Variants in NCOR2 observed in about 807,000 individuals in gnomAD.
NCOR2 encodes the protein nuclear receptor corepressor 2, also known as CTG repeat protein 26.
Under a neutral mutation model 262.9 loss-of-function variants are expected in NCOR2, and 81 were observed. That is an observed-to-expected ratio of 0.31 (90% CI 0.26 to 0.37). The LOEUF (loss-of-function observed/expected upper bound fraction) is 0.37. NCOR2 is among the 10% of genes least tolerant of loss of function. The probability of loss-of-function intolerance (pLI) is 1.00; values close to 1 mark genes in which losing one functional copy is unlikely to be tolerated. For synonymous variants in NCOR2, 1,659 were observed against 1,559.3 expected (o/e 1.06, Z -1.51); for missense variants, 3,385 against 3,621.4 (o/e 0.93, Z 1.68).
At chr12:124,402,911 C>G (rs1485654446) in intron 13 of NCOR2, among the ~76,000 whole-genome samples, 2 of 152,160 alleles carry the variant, frequency 1.3e-5, no homozygotes, top group African/African-American at 4.8e-5. Flanking sequence ...TTCGCCTTGA[C>G]AATGGGGGTA....
chr12:124,515,380 G>GAA (rs11285264), intron 1 of NCOR2, among the ~76,000 whole-genome samples: 2 of 145,260 alleles, frequency 1.4e-5, no homozygotes, highest in Non-Finnish European at 3.0e-5. Context: ...TTCAAAAAAG[G>GAA]AAAAAAAAAA....
chr12:124,360,742 T>C (rs1366179468), intron 22 of NCOR2, among the ~76,000 whole-genome samples: 1 of 149,440 alleles, frequency 6.7e-6, no homozygotes, highest in Non-Finnish European at 1.5e-5. Context: ...TTCCCTGTGC[T>C]GTTCCCTCTG....
intron 22 of NCOR2, among the ~76,000 whole-genome samples, chr12:124,361,152 G>C (rs11057591): frequency 0.67 from 100,136 of 149,690 alleles, 36,205 homozygotes; most frequent in Non-Finnish European, 0.8. Flanking sequence ...AGAGAAGGGG[G>C]ATGTCACACC....
At chr12:124,557,890 G>C (rs1332182626) in intron 1 of NCOR2, among the ~76,000 whole-genome samples, 4 of 151,874 alleles carry the variant, frequency 2.6e-5, no homozygotes, top group Non-Finnish European at 4.4e-5. Flanking sequence ...CCCAGGAAAG[G>C]CCCCCTGACT....
At chr12:124,491,323 A>T (rs2048072346) in intron 1 of NCOR2, among the ~76,000 whole-genome samples, 1 of 152,266 alleles carries the variant, frequency 6.6e-6, no homozygotes, top group African/African-American at 2.4e-5. Flanking sequence ...ACCCTGTGCG[A>T]AGGACTCTGC....
chr12:124,373,479 CGGG>C (rs2039695627), intron 19 of NCOR2, among the ~76,000 whole-genome samples: 19 of 106,698 alleles, frequency 1.8e-4, no homozygotes, highest in Non-Finnish European at 3.4e-4. Flanking sequence ...GCAGGGGCCC[CGGG>C]CACAGTGGAC....
intron 8 of NCOR2, among the ~76,000 whole-genome samples, chr12:124,431,975 G>C (rs115296697): frequency 0.052 from 7,812 of 151,460 alleles, 321 homozygotes; most frequent in African/African-American, 0.098. Context: ...CAGTCACACA[G>C]GCAGGCAGAC....
In NCOR2 at chr12:124,433,845, TACACACACACACACACACAC is replaced by T. The variant is rs1204258133; in HGVS notation, c.883-3078_883-3059del. ...CTTCCCTCCCTCCCTCTCTCTGTCT[TACACACACACACACACACAC>T]ACACACACACACACACACACACACA... On this transcript the variant is annotated intron_variant, in intron 8 of 46. Coordinates refer to ENST00000405201, the Ensembl canonical transcript of NCOR2. 2.0e-3 allele frequency among the ~76,000 whole-genome samples: 36 copies of T among 18,280 alleles called. 2 individuals are homozygous for T. Among genetic ancestry groups the T allele is most frequent in the African/African-American group, 2.9e-3 (31 of 10,840 alleles). The allele number at this position is 18,280 out of a possible 152,430, so 12.0% of individuals were successfully genotyped here. A position where few individuals can be genotyped will look rare whatever the true frequency, so the allele number is the denominator to read the frequency against.
At chr12:124,558,292 T>G (rs2051952314) in intron 1 of NCOR2, among the ~76,000 whole-genome samples, 1 of 46,174 alleles carries the variant, frequency 2.2e-5, no homozygotes, top group South Asian at 9.5e-4. Flanking sequence ...TGGCCCAAGG[T>G]CTCCCCAGCC....
chr12:124,397,519 C>A (rs1220167237), intron 16 of NCOR2, among the ~76,000 whole-genome samples: 1 of 152,236 alleles, frequency 6.6e-6, no homozygotes, highest in South Asian at 2.1e-4. Flanking sequence ...AGCACCAATG[C>A]CTGCTGGCTC....
At chr12:124,480,121 C>G (rs569449740) in intron 3 of NCOR2, among the ~76,000 whole-genome samples, 2 of 152,240 alleles carry the variant, frequency 1.3e-5, no homozygotes, top group African/African-American at 4.8e-5. Context: ...CCAATCCGGC[C>G]GCACTGGGCA....
chr12:124,395,183 G>A (rs2041569181), intron 16 of NCOR2, among the ~76,000 whole-genome samples: 1 of 152,160 alleles, frequency 6.6e-6, no homozygotes, highest in Non-Finnish European at 1.5e-5. Context: ...GATGGGCAGA[G>A]ACCATCTGCC....
intron 3 of NCOR2, among the ~76,000 whole-genome samples, chr12:124,475,530 TCTCATCTA>T (rs2047061986): frequency 6.6e-6 from 1 of 152,170 alleles, no homozygotes; most frequent in Non-Finnish European, 1.5e-5. Flanking sequence ...AAGGTCTCTG[TCTCATCTA>T]CTCACCCCTG....
chr12:124,510,955 C>G (rs971462592), intron 1 of NCOR2, among the ~76,000 whole-genome samples: 3 of 152,004 alleles, frequency 2.0e-5, no homozygotes, highest in African/African-American at 7.2e-5. Context: ...CATTTCCTCT[C>G]CCCCCACAGC....
intron 1 of NCOR2, among the ~76,000 whole-genome samples, chr12:124,509,240 G>A (rs189193198): frequency 7.2e-6 from 1 of 138,478 alleles, no homozygotes; most frequent in Non-Finnish European, 1.6e-5. Flanking sequence ...TTTGGTGGGG[G>A]GGGGGGGGGC....
chr12:124,565,338 C>G (rs1301907178), intron 1 of NCOR2, among the ~76,000 whole-genome samples: 1 of 152,138 alleles, frequency 6.6e-6, no homozygotes, highest in African/African-American at 2.4e-5. Context: ...ACACGGCAGG[C>G]GGCTCAGGGA....
intron 27 of NCOR2, among the ~76,000 whole-genome samples, chr12:124,353,338 C>A (rs1296807567): frequency 2.6e-5 from 4 of 152,252 alleles, no homozygotes; most frequent in African/African-American, 9.6e-5. Context: ...AGCACTTGCC[C>A]TTCCCACTCA....
At chr12:124,455,858 C>T (rs1264477680) in intron 6 of NCOR2, among the ~76,000 whole-genome samples, 2 of 152,280 alleles carry the variant, frequency 1.3e-5, no homozygotes, top group East Asian at 3.9e-4. Context: ...TAGATTGAGG[C>T]TCTGAAGGTG....
intron 1 of NCOR2, among the ~76,000 whole-genome samples, chr12:124,505,192 G>A (rs1219151032): frequency 1.3e-5 from 2 of 152,156 alleles, no homozygotes; most frequent in African/African-American, 4.8e-5. Flanking sequence ...TGCCTGGCTG[G>A]TTGGACTCAA....
Sources: gnomAD v4.1 joint callset for allele counts (sites outside exome capture counted in the v4.1 genomes callset) on GRCh38, gnomAD v4.1.1 for gene constraint, MANE v1.5 for transcripts, NCBI Gene and HGNC (gene_info 2026-07-23, HGNC 2026-07-21) for gene names.